The following PDE1C variants were observed in gnomAD, a reference collection of about 807,000 sequenced individuals.
PDE1C encodes phosphodiesterase 1C.
A neutral mutation model predicts 93.1 loss-of-function variants in PDE1C; 62 were observed. The ratio of observed to expected loss-of-function variants is 0.67; its 90% CI spans 0.54 to 0.82. PDE1C has a LOEUF of 0.82. PDE1C is among the 40% of genes least tolerant of loss of function. The probability of loss-of-function intolerance (pLI) is 0.00; values close to 1 mark genes in which losing one functional copy is unlikely to be tolerated. For missense variants in PDE1C, 742 were observed against 884.6 expected (o/e 0.84, Z 2.04); for synonymous variants, 325 against 310.1 (o/e 1.05, Z -0.50).
At chr7:31,879,590 C>T (rs183693770) in intron 3 of PDE1C, among the ~76,000 whole-genome samples, 1 of 152,132 alleles carries the variant, frequency 6.6e-6, no homozygotes, top group Non-Finnish European at 1.5e-5. Context: ...AAGTATTTAC[C>T]AAATCACAGC....
At chr7:32,256,675 T>C (rs143114308) in intron 1 of PDE1C, among the ~76,000 whole-genome samples, 1 of 152,190 alleles carries the variant, frequency 6.6e-6, no homozygotes, top group Non-Finnish European at 1.5e-5. Context: ...CATGGAGTAG[T>C]GGGAGAATTA....
intron 2 of PDE1C, among the ~76,000 whole-genome samples, chr7:32,181,897 C>T (rs1422181908): frequency 6.6e-6 from 1 of 151,866 alleles, no homozygotes; most frequent in Non-Finnish European, 1.5e-5. Flanking sequence ...ATTGATAGAC[C>T]GCTAGCAAGA....
intron 2 of PDE1C, among the ~76,000 whole-genome samples, chr7:31,961,950 G>A (rs1018906392): frequency 6.6e-6 from 1 of 152,300 alleles, no homozygotes; most frequent in Middle Eastern, 3.4e-3. Context: ...AAGCCAGAGA[G>A]TTCAAATTTC....
chr7:31,849,775 T>C (rs1793095962), intron 8 of PDE1C, among the ~76,000 whole-genome samples: 2 of 152,144 alleles, frequency 1.3e-5, no homozygotes, highest in African/African-American at 4.8e-5. Context: ...TCAAGGATAA[T>C]GAACTAACTC....
At chr7:32,243,356 C>T (rs533346967) in intron 1 of PDE1C, among the ~76,000 whole-genome samples, 2 of 152,250 alleles carry the variant, frequency 1.3e-5, no homozygotes, top group South Asian at 4.1e-4. Context: ...GTCCTTTGAG[C>T]CCTTAGAGAT....
the PDE1C span, among the ~76,000 whole-genome samples, chr7:31,710,209 G>T: frequency 6.6e-6 from 1 of 152,194 alleles, no homozygotes; most frequent in Admixed American, 6.5e-5. Flanking sequence ...CATTCAGAAA[G>T]AAGGCTCAAA....
At chr7:32,262,016 T>G (rs1810243279) in intron 1 of PDE1C, among the ~76,000 whole-genome samples, 1 of 146,798 alleles carries the variant, frequency 6.8e-6, no homozygotes, top group Non-Finnish European at 1.5e-5. Flanking sequence ...TTTTTTTTTT[T>G]TTTTTTTTTT....
chr7:31,973,357 A>T (rs1052781214), intron 2 of PDE1C, among the ~76,000 whole-genome samples: 11 of 152,206 alleles, frequency 7.2e-5, no homozygotes, highest in Admixed American at 5.2e-4. Flanking sequence ...TTAAGAAGCT[A>T]CGAGAATACC....
chr7:32,366,096 C>A (rs1294193403), intron 1 of PDE1C, among the ~76,000 whole-genome samples: 2 of 152,058 alleles, frequency 1.3e-5, no homozygotes, highest in Non-Finnish European at 2.9e-5. Context: ...AGGAAACATA[C>A]AAAATGCCAG....
At chr7:32,260,660 C>A (rs1244056800) in intron 1 of PDE1C, among the ~76,000 whole-genome samples, 1 of 152,206 alleles carries the variant, frequency 6.6e-6, no homozygotes, top group Non-Finnish European at 1.5e-5. Flanking sequence ...TGCCTCTAAC[C>A]CTTAAGCTGT....
At chr7:31,953,425 C>T (rs757333622) in intron 2 of PDE1C, among the ~76,000 whole-genome samples, 3 of 152,148 alleles carry the variant, frequency 2.0e-5, no homozygotes, top group Non-Finnish European at 2.9e-5. Flanking sequence ...TGTAATTTGT[C>T]ATGGACAAAT....
intron 1 of PDE1C, among the ~76,000 whole-genome samples, chr7:32,279,019 C>T (rs1424502843): frequency 1.3e-5 from 2 of 152,110 alleles, no homozygotes; most frequent in Non-Finnish European, 2.9e-5. Flanking sequence ...GAATTGTATA[C>T]TTAAGAGGAA....
At chr7:32,284,057 G>A (rs1179950538) in intron 1 of PDE1C, among the ~76,000 whole-genome samples, 3 of 152,074 alleles carry the variant, frequency 2.0e-5, no homozygotes, top group Non-Finnish European at 4.4e-5. Context: ...TTTAACTAAG[G>A]TATCTTATTT....
the PDE1C span, among the ~76,000 whole-genome samples, chr7:31,672,098 A>C: frequency 1.3e-5 from 2 of 152,188 alleles, no homozygotes; most frequent in African/African-American, 4.8e-5. Flanking sequence ...TAGGGACTTT[A>C]AAATGCTCAA....
intron 3 of PDE1C, among the ~76,000 whole-genome samples, chr7:32,158,821 G>A (rs372004729): frequency 2.0e-5 from 3 of 152,246 alleles, no homozygotes; most frequent in East Asian, 1.9e-4. Context: ...TTCTGCCTGC[G>A]GAATAAAACT....
At chr7:31,747,857 C>CAAA (rs3078522), downstream of PDE1C, among the ~76,000 whole-genome samples, 84,874 of 133,840 alleles carry the variant, frequency 0.63, 29,785 homozygotes, top group Non-Finnish European at 0.78. Flanking sequence ...CAAAACATCT[C>CAAA]AAAAAAAAAA....
intron 3 of PDE1C, among the ~76,000 whole-genome samples, chr7:32,109,773 A>ATTTCT (rs58891240): frequency 7.3e-5 from 11 of 151,640 alleles, no homozygotes; most frequent in South Asian, 2.1e-4. Context: ...TTTTCATTTC[A>ATTTCT]TTTCTTTTCT....
the PDE1C span, among the ~76,000 whole-genome samples, chr7:31,689,474 T>C: frequency 6.6e-6 from 1 of 152,098 alleles, no homozygotes; most frequent in Non-Finnish European, 1.5e-5. Flanking sequence ...CATCCCTTTA[T>C]GACACCTGCT....
chr7:32,239,659 A>G (rs1808396506), intron 1 of PDE1C, among the ~76,000 whole-genome samples: 1 of 152,238 alleles, frequency 6.6e-6, no homozygotes, highest in Admixed American at 6.5e-5. Context: ...TAAAACCACA[A>G]TGAAATAGCA....
Sources: allele counts gnomAD v4.1 joint callset (sites outside exome capture counted in the v4.1 genomes callset), GRCh38; gene constraint gnomAD v4.1.1; transcripts MANE v1.5; gene names NCBI Gene and HGNC (gene_info 2026-07-23, HGNC 2026-07-21).